NOTCH2NLC: variants seen among roughly 807,000 people sequenced by gnomAD.
The protein encoded by NOTCH2NLC is notch 2 N-terminal like C.
Under a neutral mutation model 17.7 loss-of-function variants are expected in NOTCH2NLC, and 4 were observed. The observed-to-expected ratio is 0.23, with a 90% CI of 0.11 to 0.52. NOTCH2NLC has a LOEUF of 0.52. Among genes scored for constraint, NOTCH2NLC ranks in the 20% least tolerant of loss-of-function variants. The probability of loss-of-function intolerance (pLI) is 0.96; values close to 1 mark genes in which losing one functional copy is unlikely to be tolerated. For missense variants in NOTCH2NLC, 57 were observed against 207.2 expected (o/e 0.28, Z 4.45); for synonymous variants, 18 against 86.0 (o/e 0.21, Z 4.38).
intron 1 of NOTCH2NLC, among the ~76,000 whole-genome samples, chr1:149,419,307 T>C (rs2084365247): frequency 6.6e-6 from 1 of 150,876 alleles, no homozygotes; most frequent in Admixed American, 6.6e-5. Flanking sequence ...AATGTAACTT[T>C]TTGAGTTTGC....
intron 3 of NOTCH2NLC, among the ~76,000 whole-genome samples, chr1:149,463,125 C>T (rs1475833550): frequency 6.6e-6 from 1 of 150,822 alleles, no homozygotes; most frequent in Non-Finnish European, 1.5e-5. Flanking sequence ...TGAGCCACTG[C>T]TCCTGGCCCG....
Position 149,471,706 on chromosome 1 carries a change from T to A in NOTCH2NLC, c.*7553T>A, listed in dbSNP as rs1345035430. Among the ~76,000 whole-genome samples, 1 of 149,884 alleles carries A rather than the reference T, an allele frequency of 6.7e-6. No individual in the cohort carries two copies. The highest frequency in any genetic ancestry group is 1.5e-5 in the Non-Finnish European group (1 of 67,214). ...ATATTCTGGAATTAGGTAGTGGTGA[T>A]GGTTGCAGAACTTTTGGAATATGGT... On this transcript the variant is annotated 3_prime_UTR_variant, in exon 5 of 5. Transcript: ENST00000650865.
intron 1 of NOTCH2NLC, among the ~76,000 whole-genome samples, chr1:149,416,042 G>T (rs1407308196): frequency 4.1e-5 from 6 of 147,786 alleles, no homozygotes; most frequent in Non-Finnish European, 9.0e-5. Flanking sequence ...TTTTTAATAT[G>T]TCATTATTTT....
chr1:149,460,562 C>T (rs1431605823), intron 3 of NOTCH2NLC, among the ~76,000 whole-genome samples: 2 of 149,656 alleles, frequency 1.3e-5, no homozygotes, highest in Admixed American at 6.7e-5. Flanking sequence ...TGGTCTGGAT[C>T]GCCTGACCTC....
chr1:149,435,411 C>G (rs1310721839), intron 2 of NOTCH2NLC, among the ~76,000 whole-genome samples: 2 of 145,830 alleles, frequency 1.4e-5, no homozygotes, highest in Non-Finnish European at 3.0e-5. Flanking sequence ...CTTATGGATG[C>G]TAGGTTTTAG....
intron 3 of NOTCH2NLC, among the ~76,000 whole-genome samples, chr1:149,461,657 G>A (rs1258096638): frequency 2.0e-5 from 3 of 151,234 alleles, no homozygotes; most frequent in African/African-American, 4.9e-5. Flanking sequence ...ATTATAAATC[G>A]TGCTGCTATA....
At chr1:149,462,091 C>G (rs2084653693) in intron 3 of NOTCH2NLC, among the ~76,000 whole-genome samples, 1 of 143,116 alleles carries the variant, frequency 7.0e-6, no homozygotes, top group Non-Finnish European at 1.5e-5. Context: ...TGTAACAAAC[C>G]TGCATGTTGT....
chr1:149,471,222 A>G lies in NOTCH2NLC; in HGVS notation c.*7069A>G, dbSNP rs1570926238. On this transcript the variant is annotated 3_prime_UTR_variant, in exon 5 of 5. Transcript: ENST00000650865. ...TTTAAAAAAATATATCCTAAATACA[A>G]GTCTCTTATCAGATAATATGACTTG... 6.6e-6 allele frequency among the ~76,000 whole-genome samples: 1 copy of G among 151,294 alleles called. No homozygotes were observed. Among genetic ancestry groups the G allele is most frequent in the East Asian group, 1.9e-4 (1 of 5,162 alleles).
chr1:149,417,298 C>A lies in NOTCH2NLC; in HGVS notation c.136-13644C>A, dbSNP rs1395742526. On this transcript the variant is annotated intron_variant, in intron 1 of 4. Coordinates refer to ENST00000650865, the MANE Select transcript of NOTCH2NLC (RefSeq NM_001364013.2). ...TAATTTTTTGTATTTTCAGTAGAGACGGGGTTTCACCGTGTTAGCCAGGAT... is the reference window on the plus strand; with the variant it reads ...TAATTTTTTGTATTTTCAGTAGAGAAGGGGTTTCACCGTGTTAGCCAGGAT... 1.3e-4 allele frequency among the ~76,000 whole-genome samples: 20 copies of A among 150,096 alleles called. 1 individual carries two copies. The highest frequency in any genetic ancestry group is 2.0e-4 in the Admixed American group (3 of 15,054).
intron 1 of NOTCH2NLC, among the ~76,000 whole-genome samples, chr1:149,424,150 T>G (rs1289699175): frequency 6.6e-6 from 1 of 151,392 alleles, no homozygotes; most frequent in Non-Finnish European, 1.5e-5. Flanking sequence ...CTGGAACTGG[T>G]TAAAATCAAT....
rs2084471630 is a variant in NOTCH2NLC at position 149,434,314 on chromosome 1, C to CA, written c.209+3303dup. Among the ~76,000 whole-genome samples the CA allele has an allele frequency of 2.1e-5, 3 of 145,014 alleles. No individual in the cohort carries two copies. The South Asian group carries it at 6.6e-4, about 32-fold the overall frequency. ...TTGCCAGCCTCCACAGAATTTTAAG[C>CA]AAAATTTTATGCAAAAATAATGTGT... is the stretch of plus-strand genomic sequence containing the variant. On this transcript the variant is annotated intron_variant, in intron 2 of 4. Coordinates refer to ENST00000650865, the MANE Select transcript of NOTCH2NLC (RefSeq NM_001364013.2).
chr1:149,434,442 AAAAT>A (rs2084472371), intron 2 of NOTCH2NLC, among the ~76,000 whole-genome samples: 1 of 149,272 alleles, frequency 6.7e-6, no homozygotes, highest in Non-Finnish European at 1.5e-5. Context: ...CACAAAATAG[AAAAT>A]AAATATTAAA....
rs1259772379 is a variant in NOTCH2NLC at position 149,424,992 on chromosome 1, G to A, written c.136-5950G>A. Among the ~76,000 whole-genome samples, 3 of 151,324 alleles carry A rather than the reference G, an allele frequency of 2.0e-5. 1 individual carries two copies. The highest frequency in any genetic ancestry group is 2.1e-4 in the South Asian group (1 of 4,774). Reference sequence around the variant, plus strand: ...CAGTAGGCCCCACCTTCAACATTGGGGATTACGTTTCAACGTGAGATTTGG... The same window carrying A: ...CAGTAGGCCCCACCTTCAACATTGGAGATTACGTTTCAACGTGAGATTTGG... On this transcript the variant is annotated intron_variant, in intron 1 of 4. Transcript: ENST00000650865.
At chr1:149,435,243 CA>C (rs1187130631) in intron 2 of NOTCH2NLC, among the ~76,000 whole-genome samples, 1 of 87,220 alleles carries the variant, frequency 1.1e-5, no homozygotes, top group Non-Finnish European at 2.2e-5. Flanking sequence ...CTGTTTCTAT[CA>C]ACTGCTCCTT....
rs1334289885 is a variant in NOTCH2NLC at position 149,460,872 on chromosome 1, TTTCTTTCTTTCTTTC to T, written c.470-2616_470-2602del. On this transcript the variant is annotated intron_variant, in intron 3 of 4. Coordinates refer to ENST00000650865, the MANE Select transcript of NOTCH2NLC (RefSeq NM_001364013.2). ...CTTTCTCCCTTTCTTTCTTTCTTTCTTTCTTTCTTTCTTTCTTTCTTTCTTTCTTTCTTTCTTTCT... is the reference window on the plus strand; with the variant it reads ...CTTTCTCCCTTTCTTTCTTTCTTTCTTTTCTTTCTTTCTTTCTTTCTTTCT... 6.7e-5 allele frequency among the ~76,000 whole-genome samples: 6 copies of T among 90,042 alleles called. 1 individual carries two copies. The highest frequency in any genetic ancestry group is 2.4e-4 in the African/African-American group (6 of 25,324). The allele number at this position is 90,042 out of a possible 152,430, so 59.1% of individuals were successfully genotyped here. A position where few individuals can be genotyped will look rare whatever the true frequency, so the allele number is the denominator to read the frequency against.
chr1:149,461,576 A>C (rs1388347429), intron 3 of NOTCH2NLC, among the ~76,000 whole-genome samples: 1 of 151,234 alleles, frequency 6.6e-6, no homozygotes, highest in South Asian at 2.1e-4. Flanking sequence ...ATACTTTCCT[A>C]GACAGTCAAC....
At chr1:149,428,770 G>A (rs2084426742) in intron 1 of NOTCH2NLC, among the ~76,000 whole-genome samples, 1 of 149,116 alleles carries the variant, frequency 6.7e-6, no homozygotes, top group South Asian at 2.1e-4. Flanking sequence ...GGTACAGACA[G>A]GATTTCAGGT....
intron 3 of NOTCH2NLC, among the ~76,000 whole-genome samples, chr1:149,461,632 G>C (rs1480506480): frequency 6.6e-6 from 1 of 151,360 alleles, no homozygotes; most frequent in Admixed American, 6.6e-5. Flanking sequence ...CCATTACTGG[G>C]TATATACCCA....
At chr1:149,427,492 CT>C (rs1171198772) in intron 1 of NOTCH2NLC, among the ~76,000 whole-genome samples, 2,175 of 87,352 alleles carry the variant, frequency 0.025, 26 homozygotes, top group East Asian at 0.12. Flanking sequence ...TCTACCACAG[CT>C]TTTTTTTTTT....
Sources: allele counts gnomAD v4.1 joint callset (sites outside exome capture counted in the v4.1 genomes callset), GRCh38; gene constraint gnomAD v4.1.1; transcripts MANE v1.5; gene names NCBI Gene and HGNC (gene_info 2026-07-23, HGNC 2026-07-21).